Variants in YAE1 observed in about 807,000 individuals in gnomAD.
The protein encoded by YAE1 is YAE1 maturation factor of ABCE1, also known as protein YAE1 homolog.
YAE1 carries 22 observed loss-of-function variants against 23.0 expected under a neutral mutation model. That is an observed-to-expected ratio of 0.96 (90% CI 0.68 to 1.37). The LOEUF (loss-of-function observed/expected upper bound fraction) is 1.37, where lower values mean the gene tolerates loss of function less well. Ranked by LOEUF, YAE1 falls within the 40% of genes most tolerant of loss-of-function variation. YAE1 has a pLI of 0.00. For synonymous variants in YAE1, 101 were observed against 97.0 expected, an observed-to-expected ratio of 1.04 and a Z score of -0.24; for missense variants, 260 against 262.1, an observed-to-expected ratio of 0.99 and a Z score of 0.06.
intron 2 of YAE1, among the ~76,000 whole-genome samples, chr7:39,590,584 T>C (rs978366616): frequency 6.6e-6 from 1 of 152,242 alleles, no homozygotes; most frequent in Non-Finnish European, 1.5e-5. Context: ...TATTTCATTA[T>C]GTAGGACCCA....
At chr7:39,570,744 C>T (rs561967682) in intron 2 of YAE1, 117 bp downstream of exon 2, 74 of 1,298,372 alleles carry the variant, frequency 5.7e-5, no homozygotes, top group South Asian at 5.3e-4. Flanking sequence ...TACACTAAAG[C>T]GTGTCGCAGA....
chr7:39,566,720 T>A, intron 1 of YAE1, 173 bp downstream of exon 1: 2 of 935,910 alleles, frequency 2.1e-6, no homozygotes, highest in Non-Finnish European at 3.0e-6. Context: ...TGAAAGCGTG[T>A]AAAACAACAA....
At chr7:39,569,357 T>C (rs1214923222) in intron 1 of YAE1, 1 of 362,726 alleles carries the variant, frequency 2.8e-6, no homozygotes, top group Non-Finnish European at 5.5e-6. Context: ...AAAATCATGA[T>C]ATTAAGATAA....
intron 2 of YAE1, among the ~76,000 whole-genome samples, chr7:39,585,019 A>C (rs1207458856): frequency 6.6e-6 from 1 of 152,194 alleles, no homozygotes; most frequent in Admixed American, 6.5e-5. Flanking sequence ...CCAGAGGTTC[A>C]AATGTCCTTC....
At chr7:39,579,417 A>G (rs73375695) in intron 2 of YAE1, among the ~76,000 whole-genome samples, 22,124 of 152,072 alleles carry the variant, frequency 0.15, 1,729 homozygotes, top group African/African-American at 0.21. Flanking sequence ...GTTAATTTCT[A>G]TTTTTCTATG....
At chr7:39,587,253 C>T (rs891010845) in intron 2 of YAE1, among the ~76,000 whole-genome samples, 1 of 151,760 alleles carries the variant, frequency 6.6e-6, no homozygotes, top group Non-Finnish European at 1.5e-5. Flanking sequence ...AATGGGGTTT[C>T]GCCGTGTTGC....
intron 2 of YAE1, among the ~76,000 whole-genome samples, chr7:39,584,135 AC>A (rs1267397906): frequency 6.6e-6 from 1 of 151,824 alleles, no homozygotes; most frequent in African/African-American, 2.4e-5. Flanking sequence ...TCTCCTCACC[AC>A]CCCCCACCCC....
At chr7:39,567,001 G>A (rs939594761) in intron 1 of YAE1, 2 of 153,282 alleles carry the variant, frequency 1.3e-5, no homozygotes, top group East Asian at 1.9e-4. Context: ...AGGACAATAA[G>A]GGAAAGCTAA....
At chr7:39,589,211 A>G (rs1283370430) in intron 2 of YAE1, among the ~76,000 whole-genome samples, 2 of 152,204 alleles carry the variant, frequency 1.3e-5, no homozygotes, top group Non-Finnish European at 2.9e-5. Flanking sequence ...TTACAGATTG[A>G]TGAAGTTTTG....
intron 2 of YAE1, among the ~76,000 whole-genome samples, chr7:39,581,235 C>T (rs1048216305): frequency 1.2e-4 from 18 of 152,298 alleles, no homozygotes; most frequent in African/African-American, 3.6e-4. Flanking sequence ...AAGCCTGTTT[C>T]CTTATTAATG....
chr7:39,583,640 A>G (rs1790776138), intron 2 of YAE1, among the ~76,000 whole-genome samples: 1 of 152,248 alleles, frequency 6.6e-6, no homozygotes, highest in Middle Eastern at 3.2e-3. Context: ...TGTTAATAAC[A>G]GTGTGCCTAT....
rs774075239 is a variant in YAE1 at position 39,572,692 on chromosome 7, C to G, written c.667C>G (p.Leu223Val). ...CCTATCAGTAGATGTATTACAACAC[C>G]TCAAACAACTATAAAATTACCTTCC... ...LGLSVDVLQH[L>V]KQL Residue 223 changes from leucine (L) to valine (V), a missense_variant, in exon 3 of 3, where the codon CTC becomes GTC. By Grantham distance (32) the Leu-to-Val change is conservative (BLOSUM62 1). Coordinates refer to ENST00000223273, the MANE Select transcript of YAE1 (RefSeq NM_020192.5). The G allele has an allele frequency of 4.5e-6, 7 of 1,572,146 alleles. No individual in the cohort carries two copies. Among genetic ancestry groups the G allele is most frequent in the Non-Finnish European group, 8.6e-7 (1 of 1,164,766 alleles).
At chr7:39,593,080 TCTC>T (rs1321840322) in intron 2 of YAE1, among the ~76,000 whole-genome samples, 6 of 152,062 alleles carry the variant, frequency 3.9e-5, no homozygotes, top group African/African-American at 1.4e-4. Context: ...ACTAGTTCTT[TCTC>T]CTTTTATCTC....
chr7:39,568,563 C>G (rs1443582177), intron 1 of YAE1, among the ~76,000 whole-genome samples: 1 of 151,994 alleles, frequency 6.6e-6, no homozygotes, highest in Non-Finnish European at 1.5e-5. Flanking sequence ...AAATGAATGG[C>G]CAAAATTTTA....
downstream of YAE1, among the ~76,000 whole-genome samples, chr7:39,575,537 G>GGAGAGAGAGAGAGAGGGAGAGAGAGA (rs1790638939): frequency 7.6e-5 from 10 of 131,210 alleles, no homozygotes; most frequent in South Asian, 5.5e-4. Context: ...CTAAGATACA[G>GGAGAGAGAGAGAGAGGGAGAGAGAGA]GAGAGAGAGA....
rs769348338 is a variant in YAE1, at chr7:39,566,474, T to G, written c.56T>G (p.Val19Gly). The change falls in exon 1 of 3, where the codon GTG (valine) becomes GGG (glycine). Residue 19 changes from valine (V) to glycine (G), a missense_variant. Coordinates refer to ENST00000223273, the MANE Select transcript of YAE1 (RefSeq NM_020192.5). ...LIQGPGDKGDVFDEEADESLL... is the reference protein window; with the variant it reads ...LIQGPGDKGDGFDEEADESLL... ...CAGGGCCCTGGAGACAAAGGGGACGTGTTTGACGAAGAAGCAGACGAGTCG... is the reference window on the plus strand; with the variant it reads ...CAGGGCCCTGGAGACAAAGGGGACGGGTTTGACGAAGAAGCAGACGAGTCG... The G allele has an allele frequency of 9.9e-6, 16 of 1,614,078 alleles. No homozygotes were observed. Among genetic ancestry groups the G allele is most frequent in the Non-Finnish European group, 1.4e-5 (16 of 1,180,004 alleles).
intron 2 of YAE1, among the ~76,000 whole-genome samples, chr7:39,581,231 G>A (rs898197452): frequency 6.6e-6 from 1 of 152,156 alleles, no homozygotes; most frequent in African/African-American, 2.4e-5. Context: ...AGTTAAGCCT[G>A]TTTCCTTATT....
intron 2 of YAE1, among the ~76,000 whole-genome samples, chr7:39,601,188 T>C (rs540292803): frequency 6.6e-6 from 1 of 152,348 alleles, no homozygotes; most frequent in Admixed American, 6.5e-5. Context: ...AGTAAGGTTT[T>C]TGGGGACCAG....
At chr7:39,578,923 A>G (rs1790700485) in intron 2 of YAE1, among the ~76,000 whole-genome samples, 1 of 152,264 alleles carries the variant, frequency 6.6e-6, no homozygotes, top group Admixed American at 6.5e-5. Context: ...ACTTTAAAAA[A>G]TACAAAATTA....
Sources: allele counts gnomAD v4.1 joint callset (sites outside exome capture counted in the v4.1 genomes callset), GRCh38; gene constraint gnomAD v4.1.1; transcripts MANE v1.5; gene names NCBI Gene and HGNC (gene_info 2026-07-23, HGNC 2026-07-21).